Variants in MYO5A observed in about 807,000 individuals in gnomAD.
MYO5A encodes myosin VA.
A neutral mutation model predicts 249.7 loss-of-function variants in MYO5A; 98 were observed. The observed-to-expected ratio is 0.39, with a 90% CI of 0.33 to 0.46. The LOEUF is 0.46. MYO5A is among the 20% of genes least tolerant of loss of function. The probability of loss-of-function intolerance (pLI) is 0.98; values close to 1 mark genes in which losing one functional copy is unlikely to be tolerated. For missense variants in MYO5A, 1,696 were observed against 2,308.8 expected (o/e 0.73, Z 5.44); for synonymous variants, 778 against 810.6 (o/e 0.96, Z 0.68).
At chr15:52,315,304 A>G (rs903002936) in intron 40 of MYO5A, among the ~76,000 whole-genome samples, 11 of 152,248 alleles carry the variant, frequency 7.2e-5, no homozygotes, top group Non-Finnish European at 1.6e-4. Flanking sequence ...TTGTTCTGTC[A>G]GATAGTTCTG....
At chr15:52,330,582 G>T in intron 34 of MYO5A, 83 bp from the exon 35 acceptor site, 1 of 1,506,158 alleles carries the variant, frequency 6.6e-7, no homozygotes, top group Non-Finnish European at 9.2e-7. Flanking sequence ...AATTTTGAAT[G>T]CATTCTACAA....
chr15:52,525,278 T>C (rs1228210020), intron 1 of MYO5A, among the ~76,000 whole-genome samples: 2 of 152,230 alleles, frequency 1.3e-5, no homozygotes, highest in Non-Finnish European at 2.9e-5. Context: ...GTGAATTATA[T>C]GGTATAAGAC....
chr15:52,467,205 G>A lies in MYO5A; in HGVS notation c.28-33920C>T, dbSNP rs576655709. On this transcript the variant is annotated intron_variant, in intron 1 of 41. Coordinates refer to ENST00000399233, the MANE Select transcript of MYO5A (RefSeq NM_001382347.1). ...GCAGAACAAAAATCCTTGAAATGTC[G>A]ATAAATAATTCAAAGTATTGATTTT... is the stretch of plus-strand genomic sequence containing the variant. 6.6e-5 allele frequency among the ~76,000 whole-genome samples: 10 copies of A among 152,216 alleles called. No homozygotes were observed. In the South Asian group the frequency reaches 1.0e-3, roughly 16 times the overall value.
intron 1 of MYO5A, among the ~76,000 whole-genome samples, chr15:52,448,955 TTC>T (rs2075955959): frequency 2.9e-5 from 4 of 137,618 alleles, no homozygotes; most frequent in African/African-American, 1.1e-4. Context: ...TTTCTTGTCT[TTC>T]TTTTTTTTTT....
At chr15:52,314,865 G>C (rs1184239213) in intron 40 of MYO5A, among the ~76,000 whole-genome samples, 5 of 152,050 alleles carry the variant, frequency 3.3e-5, no homozygotes, top group African/African-American at 1.2e-4. Flanking sequence ...CCATTTTCAA[G>C]GTATTGTCTA....
intron 1 of MYO5A, among the ~76,000 whole-genome samples, chr15:52,454,181 G>A (rs1019765669): frequency 7.2e-5 from 11 of 152,082 alleles, no homozygotes; most frequent in Admixed American, 2.6e-4. Flanking sequence ...GATATTGCAT[G>A]CATGTGGAAA....
At chr15:52,433,326 T>A (rs1394498161) in intron 1 of MYO5A, 41 bp from the exon 2 acceptor site, 1 of 1,182,904 alleles carries the variant, frequency 8.5e-7, no homozygotes, top group South Asian at 1.2e-5. Context: ...AGCAAATCAA[T>A]TATTTTACAA....
In MYO5A at chr15:52,371,524, G is replaced by A. The variant is rs147321158; in HGVS notation, c.2817+600C>T. 4.3e-4 allele frequency among the ~76,000 whole-genome samples: 66 copies of A among 152,256 alleles called. 1 individual carries two copies. In the East Asian group the frequency reaches 6.9e-3, roughly 16 times the overall value. ...GTATGCCTGGTTCAAGCTGGTGTTT[G>A]AAAAATAAGTAACATACAATATGAC... On this transcript the variant is annotated intron_variant, in intron 21 of 41. Transcript: ENST00000399233.
At chr15:52,383,213 G>A in intron 15 of MYO5A, 25 bp from the exon 16 acceptor site, 1 of 1,555,654 alleles carries the variant, frequency 6.4e-7, no homozygotes, top group Non-Finnish European at 8.9e-7. Context: ...GCAGAAGAGG[G>A]TATCAAGGCT....
chr15:52,353,460 A>G, intron 27 of MYO5A, 145 bp downstream of exon 27: 1 of 717,292 alleles, frequency 1.4e-6, no homozygotes. Flanking sequence ...AAACAACACA[A>G]GAAGTAATGC....
At chr15:52,426,968 A>C (rs552210818) in intron 3 of MYO5A, among the ~76,000 whole-genome samples, 2 of 152,004 alleles carry the variant, frequency 1.3e-5, no homozygotes, top group Non-Finnish European at 2.9e-5. Context: ...CTTCACTGAG[A>C]AGGTCCAAAT....
rs181411184 is a variant in MYO5A at position 52,470,605 on chromosome 15, G to A, written c.28-37320C>T. ...GTGGAGGTTGTGGTGAGCCAAGATC[G>A]CACCATTGCACTCCAGCCTGGGCAA... On this transcript the variant is annotated intron_variant, in intron 1 of 41. Coordinates refer to ENST00000399233, the MANE Select transcript of MYO5A (RefSeq NM_001382347.1). 2.3e-4 allele frequency among the ~76,000 whole-genome samples: 35 copies of A among 151,368 alleles called. 2 individuals are homozygous for A. In the East Asian group the frequency reaches 5.9e-3, roughly 26 times the overall value.
chr15:52,405,138 G>A, intron 9 of MYO5A, 149 bp downstream of exon 9: 1 of 704,910 alleles, frequency 1.4e-6, no homozygotes. Flanking sequence ...TTCTCAGTTT[G>A]AGATTCTCCT....
intron 1 of MYO5A, among the ~76,000 whole-genome samples, chr15:52,508,628 C>A (rs1326766630): frequency 6.6e-6 from 1 of 152,168 alleles, no homozygotes; most frequent in African/African-American, 2.4e-5. Flanking sequence ...GCCTCACCCC[C>A]ACCCCCTGCC....
In MYO5A at chr15:52,321,471, G is replaced by A; in HGVS notation, c.4839C>T (p.His1613=). ...MKHNTSRQNE[H]CLTNFDLAEY... ...CAGCCAGGTCAAAATTGGTGAGGCA[G>A]TGTTCATTCTGGCGAGATGTGTTGT... Residue 1613 remains histidine, a synonymous_variant, in exon 38 of 42, where the codon CAC becomes CAT. Transcript: ENST00000399233. The A allele has an allele frequency of 1.2e-6, 2 of 1,614,238 alleles. No homozygotes were observed. The highest frequency in any genetic ancestry group is 1.1e-5 in the South Asian group (1 of 91,082).
At chr15:52,374,012 G>A (rs2141099551) in intron 20 of MYO5A, among the ~76,000 whole-genome samples, 1 of 152,160 alleles carries the variant, frequency 6.6e-6, no homozygotes, top group Non-Finnish European at 1.5e-5. Context: ...CCCATATACT[G>A]TCTGTGCTTA....
At chr15:52,386,554 CTT>C (rs34368283) in intron 14 of MYO5A, among the ~76,000 whole-genome samples, 4 of 145,652 alleles carry the variant, frequency 2.7e-5, no homozygotes, top group East Asian at 2.0e-4. Context: ...CACTTTAACT[CTT>C]TTTTTTTTTT....
Position 52,360,009 on chromosome 15 carries a change from A to G in MYO5A, c.3382T>C (p.Ser1128Pro), listed in dbSNP as rs1392453672. 4 of 1,613,688 alleles carry G rather than the reference A, an allele frequency of 2.5e-6. No homozygotes were observed. Among genetic ancestry groups the G allele is most frequent in the Non-Finnish European group, 3.4e-6 (4 of 1,179,744 alleles). The change falls in exon 25 of 42, where the codon TCT becomes CCT. Residue 1128 changes from serine to proline, a missense_variant. Coordinates refer to ENST00000399233, the MANE Select transcript of MYO5A (RefSeq NM_001382347.1). ...ATGTCTTCCATTTCTGCAATTTCAG[A>G]GCTAAAGATATATTCAGACTCGTTG... ...SSNESEYIFSSEIAEMEDIPS... is the reference protein window; with the variant it reads ...SSNESEYIFSPEIAEMEDIPS...
At chr15:52,488,248 C>A (rs1203145507) in intron 1 of MYO5A, among the ~76,000 whole-genome samples, 1 of 151,424 alleles carries the variant, frequency 6.6e-6, no homozygotes, top group Non-Finnish European at 1.5e-5. Flanking sequence ...TGTAATCTTT[C>A]CTGTGAGTTT....
Sources: gnomAD v4.1 joint callset for allele counts (sites outside exome capture counted in the v4.1 genomes callset) on GRCh38, gnomAD v4.1.1 for gene constraint, MANE v1.5 for transcripts, NCBI Gene and HGNC (gene_info 2026-07-23, HGNC 2026-07-21) for gene names.